The following ANKRD33B variants were observed in gnomAD, a reference collection of about 807,000 sequenced individuals.
The protein encoded by ANKRD33B is ankyrin repeat domain-containing protein 33B.
ANKRD33B carries 6 observed loss-of-function variants against 21.5 expected under a neutral mutation model. That is an observed-to-expected ratio of 0.28 (90% CI 0.15 to 0.55). The LOEUF (loss-of-function observed/expected upper bound fraction) is 0.55, where lower values mean the gene tolerates loss of function less well. Ranked by LOEUF, ANKRD33B falls within the 20% of genes least tolerant of loss-of-function variation. The pLI, the probability that ANKRD33B is intolerant of heterozygous loss-of-function variation, is 0.94. For synonymous variants in ANKRD33B, 347 were observed against 342.4 expected (o/e 1.01, Z -0.15); for missense variants, 698 against 747.2 (o/e 0.93, Z 0.77).
chr5:10,590,601 CGCGCGCGTGTGTGT>C (rs1458847185), intron 1 of ANKRD33B, among the ~76,000 whole-genome samples: 2 of 150,766 alleles, frequency 1.3e-5, no homozygotes, highest in Non-Finnish European at 2.9e-5. Context: ...CGCGCGCGCG[CGCGCGCGTGTGTGT>C]GTGTGTGTGT....
intron 1 of ANKRD33B, among the ~76,000 whole-genome samples, chr5:10,597,997 G>A (rs975288819): frequency 6.6e-6 from 1 of 151,848 alleles, no homozygotes; most frequent in African/African-American, 2.4e-5. Flanking sequence ...CCTTTTCTTG[G>A]CATATGACTT....
rs898412025 is a variant in ANKRD33B, at chr5:10,652,030, A to T, written c.*1917A>T. 6.6e-6 allele frequency: 1 copy of T among 152,462 alleles called. No homozygotes were observed. Among genetic ancestry groups the T allele is most frequent in the Non-Finnish European group, 1.5e-5 (1 of 68,032 alleles). 9.4% of individuals were successfully genotyped at this position (152,462 alleles called of 1,614,324 possible). A position where few individuals can be genotyped will look rare whatever the true frequency, so the allele number is the denominator to read the frequency against. On this transcript the variant is annotated 3_prime_UTR_variant, in exon 4 of 4. Transcript: ENST00000296657. The surrounding 1 kb of genome is among the most constrained non-coding windows in gnomAD (Gnocchi z 4.1). ...CGTGGCCAAGGAGTTGGGATTGGCC[A>T]TGTCTTCTTCGAGGAGGTGGAGACT...
chr5:10,633,645 G>A (rs1047126739), intron 2 of ANKRD33B, among the ~76,000 whole-genome samples: 1 of 152,154 alleles, frequency 6.6e-6, no homozygotes, highest in African/African-American at 2.4e-5. Flanking sequence ...TTGCAGGATC[G>A]CATGTGGCAT....
chr5:10,637,210 C>T (rs1736887686), intron 2 of ANKRD33B, among the ~76,000 whole-genome samples: 1 of 152,202 alleles, frequency 6.6e-6, no homozygotes, highest in Non-Finnish European at 1.5e-5. Context: ...ATCCTGGAAA[C>T]AGCACTGTTG....
intron 2 of ANKRD33B, among the ~76,000 whole-genome samples, chr5:10,632,797 A>G (rs1377732129): frequency 1.3e-5 from 2 of 151,826 alleles, no homozygotes; most frequent in African/African-American, 4.8e-5. Flanking sequence ...TTATTTATGT[A>G]TTTATTTTGA....
At chr5:10,566,118 T>C (rs540554597) in intron 1 of ANKRD33B, among the ~76,000 whole-genome samples, 95 of 152,258 alleles carry the variant, frequency 6.2e-4, no homozygotes, top group Middle Eastern at 3.4e-3. Context: ...GAGATTTGGG[T>C]GGGGACACAG....
At position 10,571,485 on chromosome 5, in the gene ANKRD33B, T is replaced by A. The variant is rs578169421; in HGVS notation, c.366+6652T>A. 1.3e-3 allele frequency among the ~76,000 whole-genome samples: 199 copies of A among 152,132 alleles called. 1 individual carries two copies. The highest frequency in any genetic ancestry group is 4.5e-3 in the African/African-American group (186 of 41,516). ...CCAAAGCGCTGGGATTACAGGCCTG[T>A]GCCACCGCCCCTGGCCTCTTGAGTA... On this transcript the variant is annotated intron_variant, in intron 1 of 3. Coordinates refer to ENST00000296657, the MANE Select transcript of ANKRD33B (RefSeq NM_001164440.2).
chr5:10,584,788 C>T (rs1018958561), intron 1 of ANKRD33B, among the ~76,000 whole-genome samples: 1 of 152,182 alleles, frequency 6.6e-6, no homozygotes, highest in African/African-American at 2.4e-5. Flanking sequence ...AGCTCAAATA[C>T]ATGCACCTCT....
At chr5:10,575,682 C>T (rs574042768) in intron 1 of ANKRD33B, among the ~76,000 whole-genome samples, 3 of 152,104 alleles carry the variant, frequency 2.0e-5, no homozygotes, top group South Asian at 2.1e-4. Flanking sequence ...ACAGGGACAC[C>T]GACTTACCCT....
rs1202501666 is a variant in ANKRD33B, at chr5:10,576,529, G to A, written c.366+11696G>A. 6.6e-6 allele frequency among the ~76,000 whole-genome samples: 1 copy of A among 152,160 alleles called. No individual in the cohort carries two copies. The highest frequency in any genetic ancestry group is 1.5e-5 in the Non-Finnish European group (1 of 68,018). ...AAGTCCCATGATCTTTTGATCTTTA[G>A]TTTCCTTTAGATACCCATCTAGAAA... On this transcript the variant is annotated intron_variant, in intron 1 of 3. Transcript: ENST00000296657. The surrounding 1 kb of genome is among the most constrained non-coding windows in gnomAD (Gnocchi z 4.1).
At chr5:10,635,094 C>G (rs1052558695) in intron 2 of ANKRD33B, among the ~76,000 whole-genome samples, 1 of 151,992 alleles carries the variant, frequency 6.6e-6, no homozygotes, top group African/African-American at 2.4e-5. Context: ...CAGAACAGAT[C>G]TATATAATGG....
Position 10,652,839 on chromosome 5 carries a change from C to T in ANKRD33B, c.*2726C>T. 3.4e-6 allele frequency: 1 copy of T among 293,406 alleles called. No homozygotes were observed. Among genetic ancestry groups the T allele is most frequent in the Admixed American group, 3.6e-5 (1 of 28,066 alleles). 18.2% of individuals were successfully genotyped at this position (293,406 alleles called of 1,614,324 possible). ...AGTGATGCTCCTGGTGTCCACAAAACAGCTCTAGAGATACCTGCATTTTGA... is the reference window on the plus strand; with the variant it reads ...AGTGATGCTCCTGGTGTCCACAAAATAGCTCTAGAGATACCTGCATTTTGA... On this transcript the variant is annotated 3_prime_UTR_variant, in exon 4 of 4. Coordinates refer to ENST00000296657, the MANE Select transcript of ANKRD33B (RefSeq NM_001164440.2). The surrounding 1 kb of genome is among the most constrained non-coding windows in gnomAD (Gnocchi z 4.1).
intron 2 of ANKRD33B, among the ~76,000 whole-genome samples, chr5:10,625,487 A>G (rs1205162541): frequency 6.6e-6 from 1 of 152,138 alleles, no homozygotes; most frequent in African/African-American, 2.4e-5. Context: ...TCACATGGTT[A>G]TTAATCTAGA....
In ANKRD33B at chr5:10,619,810, G is replaced by A. The variant is rs542509800; in HGVS notation, c.496+1348G>A. Among the ~76,000 whole-genome samples the A allele has an allele frequency of 6.6e-5, 10 of 152,288 alleles. No homozygotes were observed. The highest frequency in any genetic ancestry group is 1.9e-4 in the African/African-American group (8 of 41,568). ...GGATACAGAAGTGCAGGGCAGCCCC[G>A]TCCTTGAGTAATTCTGCAGCTCATG... is the stretch of plus-strand genomic sequence containing the variant. On this transcript the variant is annotated intron_variant, in intron 2 of 3. Transcript: ENST00000296657. This position sits in a 1 kb window ranked among gnomAD's most constrained non-coding sequence, Gnocchi z 4.5.
At chr5:10,593,048 G>A (rs1363287964) in intron 1 of ANKRD33B, among the ~76,000 whole-genome samples, 1 of 151,788 alleles carries the variant, frequency 6.6e-6, no homozygotes, top group Non-Finnish European at 1.5e-5. Context: ...CCACCACCCC[G>A]TATCCACCCC....
chr5:10,611,756 C>T (rs11750323), intron 1 of ANKRD33B, among the ~76,000 whole-genome samples: 10,641 of 152,284 alleles, frequency 0.07, 473 homozygotes, highest in Middle Eastern at 0.099. Flanking sequence ...GAGTGTATTT[C>T]AAGGAAAATA....
At chr5:10,591,903 G>C (rs1735703291) in intron 1 of ANKRD33B, among the ~76,000 whole-genome samples, 1 of 151,864 alleles carries the variant, frequency 6.6e-6, no homozygotes, top group South Asian at 2.1e-4. Flanking sequence ...AGGGAATATT[G>C]TATTTATATA....
At chr5:10,627,122 C>T (rs752780833) in intron 2 of ANKRD33B, 2 of 152,170 alleles carry the variant, frequency 1.3e-5, no homozygotes, top group Non-Finnish European at 2.9e-5. Flanking sequence ...TGTACTAGGT[C>T]TGTAAATGGA....
chr5:10,632,284 G>A (rs988915464), intron 2 of ANKRD33B, among the ~76,000 whole-genome samples: 1 of 152,140 alleles, frequency 6.6e-6, no homozygotes, highest in African/African-American at 2.4e-5. Flanking sequence ...AGAGGGGTTT[G>A]CGTGAGGTCG....
Sources: gnomAD v4.1 joint callset for allele counts (sites outside exome capture counted in the v4.1 genomes callset) on GRCh38, gnomAD v4.1.1 for gene constraint, Gnocchi (gnomAD v3.1) non-coding constraint, MANE v1.5 for transcripts, NCBI Gene and HGNC (gene_info 2026-07-23, HGNC 2026-07-21) for gene names.